Variants in ARHGEF18 observed in about 807,000 individuals in gnomAD.
The protein encoded by ARHGEF18 is rho guanine nucleotide exchange factor 18.
ARHGEF18 carries 93 observed loss-of-function variants against 155.7 expected under a neutral mutation model. The observed-to-expected ratio is 0.60, with a 90% CI of 0.50 to 0.71. The LOEUF is 0.71. ARHGEF18 is among the 30% of genes least tolerant of loss of function. The probability of loss-of-function intolerance (pLI) is 0.00; values close to 1 mark genes in which losing one functional copy is unlikely to be tolerated. For synonymous variants in ARHGEF18, 742 were observed against 753.1 expected (o/e 0.99, Z 0.24); for missense variants, 1,593 against 1,816.1 (o/e 0.88, Z 2.23).
intron 10 of ARHGEF18, among the ~76,000 whole-genome samples, chr19:7,402,985 T>A (rs1270281646): frequency 1.3e-5 from 2 of 152,180 alleles, no homozygotes; most frequent in Non-Finnish European, 2.9e-5. Flanking sequence ...ACCACAGAAC[T>A]CACCCTTTTA....
Position 7,463,963 on chromosome 19 carries a change from CG to C in ARHGEF18, c.2773+12del, listed in dbSNP as rs758516675. 6.4e-7 allele frequency: 1 copy of C among 1,572,870 alleles called. No individual in the cohort carries two copies. Among genetic ancestry groups the C allele is most frequent in the South Asian group, 1.2e-5 (1 of 86,502 alleles). On this transcript the variant is annotated intron_variant, in intron 22 of 28. Coordinates refer to ENST00000668164, the MANE Select transcript of ARHGEF18 (RefSeq NM_001367823.1). The surrounding 1 kb of genome is among the most constrained non-coding windows in gnomAD (Gnocchi z 5.2). ...CAAACAGCCCCACCAAGAGTAAGAGCGGGGCCGTCTCCCCTCCTGCCTCCAG... is the reference window on the plus strand; with the variant it reads ...CAAACAGCCCCACCAAGAGTAAGAGCGGGCCGTCTCCCCTCCTGCCTCCAG...
chr19:7,409,232 TG>T (rs1555711931), intron 10 of ARHGEF18, among the ~76,000 whole-genome samples: 1 of 146,998 alleles, frequency 6.8e-6, no homozygotes, highest in Non-Finnish European at 1.5e-5. Context: ...GCTAATTTTT[TG>T]TATTTTTAGT....
At chr19:7,478,353 A>G in the ARHGEF18 span, 1 of 1,611,220 alleles carries the variant, frequency 6.2e-7, no homozygotes. Context: ...CCTCTGTCTC[A>G]GTTTCAGCAG....
chr19:7,415,575 A>T (rs992042985), intron 10 of ARHGEF18, among the ~76,000 whole-genome samples: 1 of 151,748 alleles, frequency 6.6e-6, no homozygotes, highest in Non-Finnish European at 1.5e-5. Context: ...CCCATGGCAG[A>T]ACCTCCTGGA....
intron 2 of ARHGEF18, among the ~76,000 whole-genome samples, chr19:7,370,381 A>G (rs950693652): frequency 1.4e-4 from 22 of 152,086 alleles, no homozygotes; most frequent in Non-Finnish European, 2.2e-4. Flanking sequence ...CTGTAGTCCC[A>G]GCTACTCGGG....
At chr19:7,388,539 C>T (rs551842407) in intron 10 of ARHGEF18, among the ~76,000 whole-genome samples, 3 of 152,032 alleles carry the variant, frequency 2.0e-5, no homozygotes, top group Non-Finnish European at 2.9e-5. Flanking sequence ...CCTGAGCCCC[C>T]GATCACCAAT....
rs1975416824 is a variant in ARHGEF18 at position 7,451,081 on chromosome 19, A to G, written c.1738-68A>G. Reference sequence around the variant, plus strand: ...CGGGATCTTGCTGTCCGTTTCTGAGATGTTAATACAGGATCTTGCTGTCCG... The same window carrying G: ...CGGGATCTTGCTGTCCGTTTCTGAGGTGTTAATACAGGATCTTGCTGTCCG... On this transcript the variant is annotated intron_variant, in intron 15 of 28. Coordinates refer to ENST00000668164, the MANE Select transcript of ARHGEF18 (RefSeq NM_001367823.1). The G allele has an allele frequency of 3.5e-6, 5 of 1,425,316 alleles. No individual in the cohort carries two copies. In the East Asian group the frequency reaches 9.1e-5, roughly 26 times the overall value. 88.3% of individuals were successfully genotyped at this position (1,425,316 alleles called of 1,614,324 possible). A position where few individuals can be genotyped will look rare whatever the true frequency, so the allele number is the denominator to read the frequency against.
At chr19:7,389,351 G>A (rs1451805833) in intron 10 of ARHGEF18, among the ~76,000 whole-genome samples, 1 of 144,080 alleles carries the variant, frequency 6.9e-6, no homozygotes, top group Non-Finnish European at 1.5e-5. Context: ...GTAGAAACAG[G>A]GTTTTGTCAC....
chr19:7,428,814 C>T (rs1486711827), intron 10 of ARHGEF18, among the ~76,000 whole-genome samples: 1 of 152,214 alleles, frequency 6.6e-6, no homozygotes, highest in Non-Finnish European at 1.5e-5. Flanking sequence ...CCGCCCTGCC[C>T]GACTGCATCC....
At chr19:7,376,525 T>G (rs773635652) in intron 4 of ARHGEF18, 118 bp from the exon 5 acceptor site, 58 of 500,526 alleles carry the variant, frequency 1.2e-4, no homozygotes, top group Non-Finnish European at 1.7e-4. Flanking sequence ...CTTGGATGAG[T>G]GTGTCACCCC....
intron 10 of ARHGEF18, among the ~76,000 whole-genome samples, chr19:7,432,800 G>A (rs555160153): frequency 2.6e-5 from 4 of 152,356 alleles, no homozygotes; most frequent in Non-Finnish European, 5.9e-5. Flanking sequence ...GGCATTTCTG[G>A]AAGTCAGTGT....
intron 10 of ARHGEF18, among the ~76,000 whole-genome samples, chr19:7,431,082 AG>A (rs1310763119): frequency 6.6e-6 from 1 of 151,938 alleles, no homozygotes; most frequent in Non-Finnish European, 1.5e-5. Context: ...CGAGACAAGG[AG>A]GTTGAGGCTG....
At chr19:7,423,635 G>A (rs534075249) in intron 10 of ARHGEF18, among the ~76,000 whole-genome samples, 1 of 151,456 alleles carries the variant, frequency 6.6e-6, no homozygotes, top group East Asian at 1.9e-4. Context: ...AACCCAGGAG[G>A]CAGAGGTTGC....
Position 7,395,206 on chromosome 19 carries a change from AGAG to A in ARHGEF18, c.967+12007_967+12009del. On this transcript the variant is annotated intron_variant, in intron 10 of 28. Transcript: ENST00000668164. This position sits in a 1 kb window ranked among gnomAD's most constrained non-coding sequence, Gnocchi z 5.0. ...CATCGGAGGCGGCTGCGAGAGTGGC[AGAG>A]GAGCTGGCGGAGAGCGGCCTGCGGG... 1.0e-6 allele frequency: 1 copy of A among 986,282 alleles called. No individual in the cohort carries two copies. The highest frequency in any genetic ancestry group is 1.2e-6 in the Non-Finnish European group (1 of 830,642). 61.1% of individuals were successfully genotyped at this position (986,282 alleles called of 1,614,324 possible). A position where few individuals can be genotyped will look rare whatever the true frequency, so the allele number is the denominator to read the frequency against.
At chr19:7,391,422 T>C (rs961003468) in intron 10 of ARHGEF18, among the ~76,000 whole-genome samples, 3 of 152,212 alleles carry the variant, frequency 2.0e-5, no homozygotes, top group African/African-American at 7.2e-5. Context: ...GTCCTGTTCC[T>C]GGCCTTGACC....
intron 15 of ARHGEF18, among the ~76,000 whole-genome samples, chr19:7,447,543 C>T (rs954017901): frequency 7.9e-5 from 12 of 151,914 alleles, no homozygotes; most frequent in African/African-American, 2.4e-4. Context: ...AACTTACATT[C>T]TTCACTGTGG....
At position 7,441,936 on chromosome 19, in the gene ARHGEF18, G is replaced by A. The variant is rs1235310949; in HGVS notation, c.1244G>A (p.Ser415Asn). 3.1e-6 allele frequency: 5 copies of A among 1,614,034 alleles called. No individual in the cohort carries two copies. The highest frequency in any genetic ancestry group is 1.7e-5 in the Admixed American group (1 of 59,994). ...VEDPYTASLR[S>N]EIESDGHEFE... ...GATCCCTACACCGCCTCGCTGAGGAGTGAGATTGAGTCAGACGGCCACGAG... is the reference window on the plus strand; with the variant it reads ...GATCCCTACACCGCCTCGCTGAGGAATGAGATTGAGTCAGACGGCCACGAG... The change falls in exon 13 of 29, where the codon AGT (serine) becomes AAT (asparagine). Residue 415 changes from serine to asparagine, a missense_variant. Transcript: ENST00000668164.
At chr19:7,423,998 T>C (rs1973512084) in intron 10 of ARHGEF18, among the ~76,000 whole-genome samples, 1 of 152,058 alleles carries the variant, frequency 6.6e-6, no homozygotes, top group African/African-American at 2.4e-5. Flanking sequence ...ATGGTGGCCC[T>C]CCACTTTGAG....
chr19:7,434,628 G>A (rs574242870), intron 10 of ARHGEF18, among the ~76,000 whole-genome samples: 26 of 152,278 alleles, frequency 1.7e-4, no homozygotes, highest in Admixed American at 7.2e-4. Context: ...CACCATGGCC[G>A]TCTGCTGTAG....
Sources: gnomAD v4.1 joint callset for allele counts (sites outside exome capture counted in the v4.1 genomes callset) on GRCh38, gnomAD v4.1.1 for gene constraint, Gnocchi (gnomAD v3.1) non-coding constraint, MANE v1.5 for transcripts, NCBI Gene and HGNC (gene_info 2026-07-23, HGNC 2026-07-21) for gene names.